Variants in DSCAML1 observed in about 807,000 individuals in gnomAD.
The protein encoded by DSCAML1 is cell adhesion molecule DSCAML1.
DSCAML1 carries 38 observed loss-of-function variants against 200.5 expected under a neutral mutation model. The observed-to-expected ratio is 0.19, with a 90% CI of 0.15 to 0.25. The LOEUF (loss-of-function observed/expected upper bound fraction) is 0.25, where lower values mean the gene tolerates loss of function less well. DSCAML1 is among the 10% of genes least tolerant of loss of function. DSCAML1 has a pLI of 1.00. For synonymous variants in DSCAML1, 1,215 were observed against 1,165.0 expected, an observed-to-expected ratio of 1.04 and a Z score of -0.87; for missense variants, 2,223 against 2,858.8, an observed-to-expected ratio of 0.78 and a Z score of 5.07.
intron 15 of DSCAML1, among the ~76,000 whole-genome samples, chr11:117,470,460 A>G (rs1047404678): frequency 1.3e-5 from 2 of 152,222 alleles, no homozygotes; most frequent in African/African-American, 4.8e-5. Context: ...CTGTAGTCCC[A>G]GCTGCTCGGG....
In DSCAML1 at chr11:117,513,740, CAA is replaced by C. The variant is rs58490526; in HGVS notation, c.1783+2725_1783+2726del. 1.0e-2 allele frequency among the ~76,000 whole-genome samples: 776 copies of C among 77,772 alleles called. 4 individuals carry two copies. Among genetic ancestry groups the C allele is most frequent in the African/African-American group, 0.033 (659 of 19,918 alleles). 51.0% of individuals were successfully genotyped at this position (77,772 alleles called of 152,430 possible). ...TGGGTGACAGAGCAAGACTCTATCT[CAA>C]AAAAAAAAAAAAAAAAAAAGTCCAT... On this transcript the variant is annotated intron_variant, in intron 8 of 32. Transcript: ENST00000651296.
Position 117,489,888 on chromosome 11 carries a change from C to T in DSCAML1, c.2360-7726G>A, listed in dbSNP as rs1003334201. Among the ~76,000 whole-genome samples the T allele has an allele frequency of 2.6e-5, 4 of 152,214 alleles. No homozygotes were observed. Among genetic ancestry groups the T allele is most frequent in the African/African-American group, 9.6e-5 (4 of 41,454 alleles). On this transcript the variant is annotated intron_variant, in intron 11 of 32. Coordinates refer to ENST00000651296, the MANE Select transcript of DSCAML1 (RefSeq NM_020693.4). The surrounding 1 kb of genome is among the most constrained non-coding windows in gnomAD (Gnocchi z 4.8). ...GGGCAGAAGCATCTCTATTCCAGGG[C>T]TTAGCTCGTGTTTGTGGAAAGGAGA...
rs544609271 is a variant in DSCAML1 at position 117,655,016 on chromosome 11, T to A, written c.511+121775A>T. 3.3e-5 allele frequency among the ~76,000 whole-genome samples: 5 copies of A among 152,332 alleles called. No homozygotes were observed. The South Asian group carries it at 1.0e-3, about 32-fold the overall frequency. Reference sequence around the variant, plus strand: ...CCAGCCCTGATGCCAGATGTCCAGATGTTGTGGCAGCTGCCAGCACATCCC... The same window carrying A: ...CCAGCCCTGATGCCAGATGTCCAGAAGTTGTGGCAGCTGCCAGCACATCCC... On this transcript the variant is annotated intron_variant, in intron 3 of 32. Transcript: ENST00000651296.
chr11:117,690,196 T>C (rs977584470), intron 3 of DSCAML1, among the ~76,000 whole-genome samples: 2 of 152,286 alleles, frequency 1.3e-5, no homozygotes, highest in African/African-American at 4.8e-5. Context: ...ACCATTTATT[T>C]GTTCAACAGA....
At chr11:117,522,790 T>C (rs2049906496) in intron 5 of DSCAML1, among the ~76,000 whole-genome samples, 1 of 152,134 alleles carries the variant, frequency 6.6e-6, no homozygotes, top group African/African-American at 2.4e-5. Context: ...GTGGGGGGCT[T>C]CGTGGAGGAG....
chr11:117,449,783 A>G (rs761281842), intron 20 of DSCAML1, among the ~76,000 whole-genome samples: 3 of 152,162 alleles, frequency 2.0e-5, no homozygotes, highest in African/African-American at 2.4e-5. Context: ...GGCATTCTCT[A>G]TAGTAGTCAC....
chr11:117,587,265 G>A (rs1277595036), intron 3 of DSCAML1, among the ~76,000 whole-genome samples: 5 of 88,568 alleles, frequency 5.6e-5, no homozygotes, highest in Non-Finnish European at 7.9e-5. Context: ...CCCCCCCCAC[G>A]ATTTAGATAC....
intron 3 of DSCAML1, among the ~76,000 whole-genome samples, chr11:117,716,442 A>AGG (rs1412411895): frequency 8.5e-5 from 13 of 152,322 alleles, no homozygotes; most frequent in Admixed American, 2.6e-4. Flanking sequence ...GCTCTTTAAA[A>AGG]GCTTAACCTG....
chr11:117,759,545 T>C lies in DSCAML1; in HGVS notation c.511+17246A>G, dbSNP rs148245915. Among the ~76,000 whole-genome samples the C allele has an allele frequency of 3.5e-3, 527 of 152,226 alleles. 3 individuals carry two copies. Among genetic ancestry groups the C allele is most frequent in the African/African-American group, 0.011 (445 of 41,522 alleles). On this transcript the variant is annotated intron_variant, in intron 3 of 32. Coordinates refer to ENST00000651296, the MANE Select transcript of DSCAML1 (RefSeq NM_020693.4). ...TATGACCTCGACTCCCAACTTTCTC[T>C]TGTAATGTGAGCTGGAGTTGGGAGT...
intron 3 of DSCAML1, among the ~76,000 whole-genome samples, chr11:117,650,700 T>TGTGTGTGC (rs147584706): frequency 3.5e-4 from 51 of 147,468 alleles, no homozygotes; most frequent in South Asian, 1.1e-3. Context: ...TGTGTGTGTG[T>TGTGTGTGC]GCGTGTGTGT....
rs1565280587 is a variant in DSCAML1 at position 117,780,226 on chromosome 11, AGAAAG to A, written c.364+262_364+266del. Among the ~76,000 whole-genome samples, 1 of 118,868 alleles carries A rather than the reference AGAAAG, an allele frequency of 8.4e-6. No homozygotes were observed. Among genetic ancestry groups the A allele is most frequent in the East Asian group, 2.2e-4 (1 of 4,632 alleles). The allele number at this position is 118,868 out of a possible 152,430, so 78.0% of individuals were successfully genotyped here. On this transcript the variant is annotated intron_variant, in intron 2 of 32. Transcript: ENST00000651296. This position sits in a 1 kb window ranked among gnomAD's most constrained non-coding sequence, Gnocchi z 4.8. ...GAAAGAAAGAGAGAGAGAGAAAGAA[AGAAAG>A]GAAAGAAAGAAAGAAAGAAAGAAAG...
chr11:117,715,030 G>A (rs2053926435), intron 3 of DSCAML1, among the ~76,000 whole-genome samples: 1 of 151,934 alleles, frequency 6.6e-6, no homozygotes, highest in Non-Finnish European at 1.5e-5. Flanking sequence ...GAAGTACAGT[G>A]CAGGCAAATA....
chr11:117,502,686 G>C (rs2049418797), intron 11 of DSCAML1, among the ~76,000 whole-genome samples: 1 of 152,148 alleles, frequency 6.6e-6, no homozygotes, highest in Non-Finnish European at 1.5e-5. Context: ...CTATCAGCAG[G>C]CTTTCCCACC....
chr11:117,557,427 C>T (rs1016015546), intron 3 of DSCAML1, among the ~76,000 whole-genome samples: 7 of 152,188 alleles, frequency 4.6e-5, no homozygotes, highest in African/African-American at 1.4e-4. Flanking sequence ...TCCTGACCAC[C>T]GTCCCTGGAG....
At position 117,809,905 on chromosome 11, in the gene DSCAML1, A is replaced by G. The variant is rs576845733; in HGVS notation, c.-250+7485T>C. ...CTTACACACACACACCCACACACTC[A>G]CACACACATTCACACATTCACACAC... On this transcript the variant is annotated intron_variant, in intron 1 of 2. Coordinates refer to the DSCAML1 transcript ENST00000525836. Among the ~76,000 whole-genome samples, 14 of 134,592 alleles carry G rather than the reference A, an allele frequency of 1.0e-4. No individual in the cohort carries two copies. In the South Asian group the frequency reaches 3.0e-3, roughly 29 times the overall value. 88.3% of individuals were successfully genotyped at this position (134,592 alleles called of 152,430 possible).
chr11:117,606,424 G>A (rs1327488224), intron 3 of DSCAML1, among the ~76,000 whole-genome samples: 1 of 152,158 alleles, frequency 6.6e-6, no homozygotes, highest in East Asian at 1.9e-4. Flanking sequence ...AGCTCTGAGG[G>A]TTAAAACACT....
chr11:117,474,942 A>T (rs551101884), intron 14 of DSCAML1, among the ~76,000 whole-genome samples: 20 of 151,962 alleles, frequency 1.3e-4, no homozygotes, highest in African/African-American at 4.8e-4. Flanking sequence ...TTTTTAGTAG[A>T]GATGGGGTTT....
At chr11:117,435,031 C>A (rs568352576) in intron 27 of DSCAML1, among the ~76,000 whole-genome samples, 2 of 152,150 alleles carry the variant, frequency 1.3e-5, no homozygotes, top group Admixed American at 1.3e-4. Flanking sequence ...TGAAGCAGAC[C>A]CAATAAAAGT....
intron 3 of DSCAML1, among the ~76,000 whole-genome samples, chr11:117,664,471 A>G (rs2052931060): frequency 6.6e-6 from 1 of 151,988 alleles, no homozygotes; most frequent in Non-Finnish European, 1.5e-5. Context: ...ACATCATCTC[A>G]AGGAGGCTCA....
Sources: gnomAD v4.1 joint callset for allele counts (sites outside exome capture counted in the v4.1 genomes callset) on GRCh38, gnomAD v4.1.1 for gene constraint, Gnocchi (gnomAD v3.1) non-coding constraint, MANE v1.5 for transcripts, NCBI Gene and HGNC (gene_info 2026-07-23, HGNC 2026-07-21) for gene names.